Variants in RBFOX3 observed in about 807,000 individuals in gnomAD.
RBFOX3 encodes the protein RNA binding protein fox-1 homolog 3.
Under a neutral mutation model 48.7 loss-of-function variants are expected in RBFOX3, and 17 were observed. The ratio of observed to expected loss-of-function variants is 0.35; its 90% CI spans 0.24 to 0.52. The LOEUF is 0.52. Ranked by LOEUF, RBFOX3 falls within the 20% of genes least tolerant of loss-of-function variation. RBFOX3 has a pLI of 0.94. For missense variants in RBFOX3, 382 were observed against 497.5 expected, an observed-to-expected ratio of 0.77 and a Z score of 2.21; for synonymous variants, 212 against 209.5, an observed-to-expected ratio of 1.01 and a Z score of -0.10.
At chr17:79,529,759 G>C (rs1441452120) in intron 1 of RBFOX3, among the ~76,000 whole-genome samples, 1 of 152,212 alleles carries the variant, frequency 6.6e-6, no homozygotes, top group African/African-American at 2.4e-5. Context: ...GAAGGGTCGA[G>C]GGCACTGCTC....
intron 3 of RBFOX3, among the ~76,000 whole-genome samples, chr17:79,292,825 A>G (rs1395623531): frequency 6.6e-6 from 1 of 150,458 alleles, no homozygotes; most frequent in African/African-American, 2.5e-5. Context: ...GGGGGAAAAA[A>G]TCACCCATTC....
chr17:79,334,801 T>C (rs1036890004), intron 2 of RBFOX3, among the ~76,000 whole-genome samples: 6 of 152,252 alleles, frequency 3.9e-5, no homozygotes, highest in African/African-American at 9.6e-5. Context: ...GCTTGTGAGC[T>C]TGAAGATGCA....
At chr17:79,168,928 C>A (rs2048573294) in intron 4 of RBFOX3, among the ~76,000 whole-genome samples, 1 of 152,220 alleles carries the variant, frequency 6.6e-6, no homozygotes, top group Non-Finnish European at 1.5e-5. Flanking sequence ...AGTACCAGAT[C>A]CGTAGCAATG....
At chr17:79,387,131 T>C (rs2060663444) in intron 2 of RBFOX3, among the ~76,000 whole-genome samples, 1 of 152,180 alleles carries the variant, frequency 6.6e-6, no homozygotes, top group African/African-American at 2.4e-5. Context: ...CCTCTTGAGT[T>C]CTAGAAGAGT....
rs2081386775 is a variant in RBFOX3, at chr17:79,495,621, GAAA to G, written c.-319-13026_-319-13024del. 4.3e-4 allele frequency among the ~76,000 whole-genome samples: 23 copies of G among 53,530 alleles called. 2 individuals are homozygous for G. Among genetic ancestry groups the G allele is most frequent in the African/African-American group, 1.6e-3 (19 of 11,542 alleles). 35.1% of individuals were successfully genotyped at this position (53,530 alleles called of 152,430 possible). A position where few individuals can be genotyped will look rare whatever the true frequency, so the allele number is the denominator to read the frequency against. On this transcript the variant is annotated intron_variant, in intron 1 of 14. Coordinates refer to ENST00000693108, the MANE Select transcript of RBFOX3 (RefSeq NM_001350451.2). Reference sequence around the variant, plus strand: ...GGGTACAGAGGGTGGGGAGGTGGGGGAAAGGGTACTGGGGCAGGGATGGGGGTG... The same window carrying G: ...GGGTACAGAGGGTGGGGAGGTGGGGGGGGTACTGGGGCAGGGATGGGGGTG...
At chr17:79,251,406 C>G (rs1031531978) in intron 3 of RBFOX3, among the ~76,000 whole-genome samples, 18 of 152,130 alleles carry the variant, frequency 1.2e-4, no homozygotes, top group Non-Finnish European at 2.1e-4. Flanking sequence ...TGATTCAGCA[C>G]CCCCAAACTC....
chr17:79,450,310 G>A (rs1205098691), intron 2 of RBFOX3, among the ~76,000 whole-genome samples: 1 of 152,140 alleles, frequency 6.6e-6, no homozygotes, highest in Non-Finnish European at 1.5e-5. Flanking sequence ...GTGAATGAAG[G>A]CCTGGACTTG....
At chr17:79,524,220 T>C (rs2086501697) in intron 1 of RBFOX3, among the ~76,000 whole-genome samples, 3 of 152,234 alleles carry the variant, frequency 2.0e-5, no homozygotes, top group South Asian at 4.1e-4. Context: ...AAAAGGGTAC[T>C]GCAGACAACA....
chr17:79,304,668 T>C (rs1325067615), intron 3 of RBFOX3, among the ~76,000 whole-genome samples: 4 of 152,140 alleles, frequency 2.6e-5, no homozygotes, highest in East Asian at 3.9e-4. Context: ...CTGACTTTAA[T>C]TGAAAAAGAA....
At chr17:79,222,271 C>T (rs1416441499) in intron 4 of RBFOX3, among the ~76,000 whole-genome samples, 2 of 151,688 alleles carry the variant, frequency 1.3e-5, no homozygotes, top group Non-Finnish European at 2.9e-5. Flanking sequence ...TGTGCTAGCT[C>T]ATGCCAAGGA....
intron 4 of RBFOX3, among the ~76,000 whole-genome samples, chr17:79,186,045 A>G (rs920703887): frequency 6.6e-6 from 1 of 152,166 alleles, no homozygotes; most frequent in African/African-American, 2.4e-5. Context: ...CATTGGCCCA[A>G]AGAAAGCCAG....
Position 79,090,791 on chromosome 17 carries a change from C to A in RBFOX3, c.*92G>T. 7.2e-7 allele frequency: 1 copy of A among 1,394,680 alleles called. No homozygotes were observed. The highest frequency in any genetic ancestry group is 9.7e-7 in the Non-Finnish European group (1 of 1,035,372). The allele number at this position is 1,394,680 out of a possible 1,614,324, so 86.4% of individuals were successfully genotyped here. A position where few individuals can be genotyped will look rare whatever the true frequency, so the allele number is the denominator to read the frequency against. On this transcript the variant is annotated 3_prime_UTR_variant, in exon 15 of 15. Transcript: ENST00000693108. ...TTGGTTTTTTTTTTGTTGCTTGGAT[C>A]TTAACATCTTTTTTTGTTTTTTTTG...
chr17:79,552,267 A>G (rs1216650493), intron 1 of RBFOX3, among the ~76,000 whole-genome samples: 1 of 152,230 alleles, frequency 6.6e-6, no homozygotes, highest in African/African-American at 2.4e-5. Flanking sequence ...ATAGGCCTGT[A>G]TGCTATGGAA....
intron 4 of RBFOX3, among the ~76,000 whole-genome samples, chr17:79,137,412 G>A (rs918960204): frequency 3.9e-5 from 6 of 152,132 alleles, no homozygotes; most frequent in Admixed American, 3.9e-4. Flanking sequence ...TCAGGCAGGG[G>A]GCGGGGCAAA....
At chr17:79,512,591 G>C (rs1167951646) in intron 1 of RBFOX3, among the ~76,000 whole-genome samples, 12 of 142,526 alleles carry the variant, frequency 8.4e-5, no homozygotes, top group African/African-American at 3.2e-4. Flanking sequence ...GTTACCATCG[G>C]GTACAGCCCC....
intron 2 of RBFOX3, among the ~76,000 whole-genome samples, chr17:79,411,917 G>T (rs566981604): frequency 6.6e-6 from 1 of 152,158 alleles, no homozygotes; most frequent in Admixed American, 6.5e-5. Context: ...TGTATGTGTG[G>T]TGTATGCGAG....
At chr17:79,291,235 G>A (rs1386789173) in intron 3 of RBFOX3, among the ~76,000 whole-genome samples, 1 of 152,208 alleles carries the variant, frequency 6.6e-6, no homozygotes, top group African/African-American at 2.4e-5. Context: ...TTAAACCATA[G>A]GATCAATGGA....
At chr17:79,334,631 G>A (rs2080910530) in intron 2 of RBFOX3, among the ~76,000 whole-genome samples, 1 of 152,182 alleles carries the variant, frequency 6.6e-6, no homozygotes, top group African/African-American at 2.4e-5. Context: ...GCCAACTGGA[G>A]CCCATCTGTG....
At chr17:79,433,139 C>T (rs963265367) in intron 2 of RBFOX3, among the ~76,000 whole-genome samples, 1 of 152,172 alleles carries the variant, frequency 6.6e-6, no homozygotes, top group Non-Finnish European at 1.5e-5. Flanking sequence ...GACACGGTCA[C>T]TCAGACGCTC....
Sources: allele counts gnomAD v4.1 joint callset (sites outside exome capture counted in the v4.1 genomes callset), GRCh38; gene constraint gnomAD v4.1.1; transcripts MANE v1.5; gene names NCBI Gene and HGNC (gene_info 2026-07-23, HGNC 2026-07-21).